LHX8: variants seen among roughly 807,000 people sequenced by gnomAD.
The protein encoded by LHX8 is LIM/homeobox protein Lhx8.
Under a neutral mutation model 40.3 loss-of-function variants are expected in LHX8, and 12 were observed. The ratio of observed to expected loss-of-function variants is 0.30; its 90% CI spans 0.19 to 0.48. The LOEUF is 0.48. Among genes scored for constraint, LHX8 ranks in the 20% least tolerant of loss-of-function variants. The pLI, the probability that LHX8 is intolerant of heterozygous loss-of-function variation, is 0.99. For synonymous variants in LHX8, 179 were observed against 162.0 expected, an observed-to-expected ratio of 1.10 and a Z score of -0.80; for missense variants, 344 against 433.7, an observed-to-expected ratio of 0.79 and a Z score of 1.84.
chr1:75,159,924 GAA>G (rs2100365921), intron 8 of LHX8: 2 of 152,288 alleles, frequency 1.3e-5, no homozygotes, highest in Admixed American at 1.3e-4. Flanking sequence ...TAGCCCTTTG[GAA>G]TCACAAATGA....
the LHX8 span, among the ~76,000 whole-genome samples, chr1:75,181,890 G>A: frequency 5.3e-5 from 8 of 152,058 alleles, no homozygotes; most frequent in African/African-American, 1.9e-4. Context: ...GTAGATTCTG[G>A]ATATTAGTCC....
At chr1:75,136,051 C>T (rs1386445367) in intron 1 of LHX8, among the ~76,000 whole-genome samples, 4 of 152,168 alleles carry the variant, frequency 2.6e-5, no homozygotes, top group Non-Finnish European at 5.9e-5. Flanking sequence ...TTTCAAGTAT[C>T]CTATTAAACC....
the LHX8 span, among the ~76,000 whole-genome samples, chr1:75,168,256 C>G: frequency 2.6e-5 from 4 of 152,132 alleles, no homozygotes; most frequent in Admixed American, 1.3e-4. Flanking sequence ...GAGTTTCACT[C>G]TTGTTGCCCA....
At chr1:75,149,373 A>G (rs188546032) in intron 7 of LHX8, among the ~76,000 whole-genome samples, 5 of 152,360 alleles carry the variant, frequency 3.3e-5, no homozygotes, top group African/African-American at 1.2e-4. Context: ...ATGTGATTTT[A>G]GGAAGAAAGG....
chr1:75,191,706 T>C, the LHX8 span, among the ~76,000 whole-genome samples: 76 of 152,296 alleles, frequency 5.0e-4, no homozygotes, highest in African/African-American at 1.5e-3. Context: ...CAAAGTTTAC[T>C]AAGAAGATGG....
At chr1:75,159,208 T>G (rs1380159771) in intron 8 of LHX8, 1 of 152,206 alleles carries the variant, frequency 6.6e-6, no homozygotes, top group Admixed American at 6.5e-5. Flanking sequence ...GTTTTGCATA[T>G]GGATAGCTAA....
chr1:75,197,917 C>T, the LHX8 span, among the ~76,000 whole-genome samples: 1 of 152,174 alleles, frequency 6.6e-6, no homozygotes, highest in Non-Finnish European at 1.5e-5. Flanking sequence ...AGCCTATGAT[C>T]ATCCAGTTAT....
rs531305004 is a variant in LHX8, at chr1:75,136,062, T to C, written c.-12-541T>C. On this transcript the variant is annotated intron_variant, in intron 1 of 8. Coordinates refer to ENST00000356261, the MANE Select transcript of LHX8 (RefSeq NM_001256114.2). ...TAGCTTTCAAGTATCCTATTAAACC[T>C]CTTCACCTTTCGGGCTATCCTATTC... Among the ~76,000 whole-genome samples, 196 of 152,322 alleles carry C rather than the reference T, an allele frequency of 1.3e-3. 2 individuals are homozygous for C. Among genetic ancestry groups the C allele is most frequent in the Non-Finnish European group, 1.2e-3 (81 of 68,030 alleles).
At chr1:75,172,364 G>A in the LHX8 span, among the ~76,000 whole-genome samples, 1 of 152,150 alleles carries the variant, frequency 6.6e-6, no homozygotes, top group Non-Finnish European at 1.5e-5. Context: ...AAGAGAATAG[G>A]GAAGATTTGA....
the LHX8 span, among the ~76,000 whole-genome samples, chr1:75,178,222 A>AT: frequency 2.0e-5 from 3 of 151,950 alleles, no homozygotes; most frequent in African/African-American, 7.2e-5. Context: ...CTCTTTTTCT[A>AT]TGATTGGAAT....
At chr1:75,195,112 C>T in the LHX8 span, among the ~76,000 whole-genome samples, 1 of 152,186 alleles carries the variant, frequency 6.6e-6, no homozygotes, top group Non-Finnish European at 1.5e-5. Context: ...TATCTCTCTA[C>T]TTCTTTCCAT....
intron 1 of LHX8, 85 bp from the exon 2 acceptor site, chr1:75,136,518 G>T (rs555451977): frequency 6.8e-5 from 71 of 1,038,908 alleles, no homozygotes; most frequent in Admixed American, 5.2e-4. Context: ...TCATTAGCTC[G>T]CTCCCCGCGC....
intron 1 of LHX8, among the ~76,000 whole-genome samples, chr1:75,136,397 C>T (rs953219017): frequency 1.3e-5 from 2 of 151,746 alleles, no homozygotes; most frequent in Non-Finnish European, 2.9e-5. Flanking sequence ...TACCAGCGCT[C>T]GGGTGGCGGC....
intron 7 of LHX8, among the ~76,000 whole-genome samples, chr1:75,150,229 T>C (rs1328380498): frequency 6.6e-6 from 1 of 151,994 alleles, no homozygotes; most frequent in Non-Finnish European, 1.5e-5. Flanking sequence ...TGGAGTAAGA[T>C]CCTCTCTCAA....
chr1:75,144,343 A>G (rs1570292225), intron 6 of LHX8, among the ~76,000 whole-genome samples: 1 of 152,296 alleles, frequency 6.6e-6, no homozygotes, highest in East Asian at 1.9e-4. Flanking sequence ...AGTCTATGGG[A>G]CGCTAATGTG....
At chr1:75,148,803 A>G in intron 7 of LHX8, 121 bp downstream of exon 7, 3 of 708,316 alleles carry the variant, frequency 4.2e-6, no homozygotes, top group Non-Finnish European at 2.5e-6. Flanking sequence ...TCAGCCTCCC[A>G]AAGTAATGGG....
chr1:75,168,276 G>A, the LHX8 span, among the ~76,000 whole-genome samples: 32 of 152,244 alleles, frequency 2.1e-4, no homozygotes, highest in Middle Eastern at 3.4e-3. Context: ...AGGCTGGAGT[G>A]CAATGGTGTG....
the LHX8 span, among the ~76,000 whole-genome samples, chr1:75,168,150 C>A: frequency 6.6e-6 from 1 of 152,164 alleles, no homozygotes; most frequent in Non-Finnish European, 1.5e-5. Flanking sequence ...CTGTCTAGGC[C>A]ATCAGCACAC....
the LHX8 span, among the ~76,000 whole-genome samples, chr1:75,174,987 A>G: frequency 1.3e-5 from 2 of 152,150 alleles, no homozygotes; most frequent in African/African-American, 4.8e-5. Flanking sequence ...TGGAGTCCCC[A>G]AATTCTATTA....
Sources: allele counts gnomAD v4.1 joint callset (sites outside exome capture counted in the v4.1 genomes callset), GRCh38; gene constraint gnomAD v4.1.1; transcripts MANE v1.5; gene names NCBI Gene and HGNC (gene_info 2026-07-23, HGNC 2026-07-21).